MRPL15: variants seen among roughly 807,000 people sequenced by gnomAD.
MRPL15 encodes large ribosomal subunit protein uL15m.
Under a neutral mutation model 28.0 loss-of-function variants are expected in MRPL15, and 24 were observed. The ratio of observed to expected loss-of-function variants is 0.86; its 90% CI spans 0.62 to 1.21. The LOEUF (loss-of-function observed/expected upper bound fraction) is 1.21. Among genes scored for constraint, MRPL15 ranks in the 50% most tolerant of loss-of-function variants. MRPL15 has a pLI of 0.00. For synonymous variants in MRPL15, 124 were observed against 137.0 expected, an observed-to-expected ratio of 0.90 and a Z score of 0.66; for missense variants, 343 against 372.4, an observed-to-expected ratio of 0.92 and a Z score of 0.65.
At chr8:54,142,579 A>G in intron 3 of MRPL15, 84 bp from the exon 4 acceptor site, 2 of 1,512,426 alleles carry the variant, frequency 1.3e-6, no homozygotes, top group Non-Finnish European at 1.8e-6. Context: ...TGGAGGGAAA[A>G]ACACTGTCTA....
At position 54,136,587 on chromosome 8, in the gene MRPL15, G is replaced by C. The variant is rs191944170; in HGVS notation, c.185G>C (p.Arg62Pro). 2.5e-6 allele frequency: 4 copies of C among 1,614,190 alleles called. No individual in the cohort carries two copies. The highest frequency in any genetic ancestry group is 3.4e-6 in the Non-Finnish European group (4 of 1,180,028). Residue 62 changes from arginine (R) to proline (P), a missense_variant, in exon 2 of 5, where the codon CGG becomes CCG. Coordinates refer to ENST00000260102, the MANE Select transcript of MRPL15 (RefSeq NM_014175.4). ...GHKGERQRGT[R>P]PRLGFEGGQT... ...AAAGGAGAAAGGCAAAGAGGAACCCGGCCCCGCTTGGGCTTTGAGGGAGGC... is the reference window on the plus strand; with the variant it reads ...AAAGGAGAAAGGCAAAGAGGAACCCCGCCCCGCTTGGGCTTTGAGGGAGGC...
At chr8:54,140,248 T>C (rs1240785601) in intron 3 of MRPL15, among the ~76,000 whole-genome samples, 1 of 151,920 alleles carries the variant, frequency 6.6e-6, no homozygotes, top group Non-Finnish European at 1.5e-5. Context: ...TACATTTTCC[T>C]TTTTTTTCTG....
chr8:54,136,924 TAGAC>T (rs1471753783), intron 2 of MRPL15, among the ~76,000 whole-genome samples: 1 of 152,192 alleles, frequency 6.6e-6, no homozygotes, highest in Non-Finnish European at 1.5e-5. Flanking sequence ...TGAGCAATAA[TAGAC>T]AGTATACATA....
intron 4 of MRPL15, among the ~76,000 whole-genome samples, chr8:54,146,674 GCATTGCTAA>G (rs1464603885): frequency 1.3e-5 from 2 of 152,180 alleles, no homozygotes; most frequent in Non-Finnish European, 2.9e-5. Flanking sequence ...GGTTAAGGTT[GCATTGCTAA>G]CACGATGAGT....
chr8:54,137,113 A>G (rs1415714868), intron 2 of MRPL15, among the ~76,000 whole-genome samples, 155 bp from the exon 3 acceptor site: 1 of 152,212 alleles, frequency 6.6e-6, no homozygotes, highest in Non-Finnish European at 1.5e-5. Context: ...TCATTACCCA[A>G]AATCAAGCAG....
Position 54,143,649 on chromosome 8 carries a change from G to A in MRPL15, c.553+863G>A, listed in dbSNP as rs545141573. 1.3e-3 allele frequency among the ~76,000 whole-genome samples: 205 copies of A among 152,242 alleles called. 1 individual carries two copies. Among genetic ancestry groups the A allele is most frequent in the South Asian group, 1.2e-3 (6 of 4,824 alleles). On this transcript the variant is annotated intron_variant, in intron 4 of 4. Coordinates refer to ENST00000260102, the MANE Select transcript of MRPL15 (RefSeq NM_014175.4). ...CTGCAGTGGAGTGACGTGGCACAAG[G>A]TTCCTTTTAAAGCATGGACTGTCAC...
In MRPL15 at chr8:54,136,514, A is replaced by G. The variant is rs1233192106; in HGVS notation, c.112A>G (p.Arg38Gly). The change falls in exon 2 of 5, where the codon AGA (arginine) becomes GGA (glycine). Residue 38 changes from arginine to glycine, a missense_variant. By Grantham distance (125) the Arg-to-Gly change is moderately radical. Coordinates refer to ENST00000260102, the MANE Select transcript of MRPL15 (RefSeq NM_014175.4). ...AAATTCTTTTTTTTCCTTGCAGGAG[A>G]GAAGACCAAGAGGTCGGAGAAGAGG... The part of the protein sequence containing the change: ...KPNPGSKKPE[R>G]RPRGRRRGRK... 5.6e-6 allele frequency: 9 copies of G among 1,606,624 alleles called. No individual in the cohort carries two copies. The Admixed American group carries it at 1.6e-4, about 28-fold the overall frequency.
Position 54,147,716 on chromosome 8 carries a change from A to T in MRPL15, c.888A>T (p.Ser296=). ...AAAATCTCCTTAAGTATTATACCTC[A>T]TGAATTCCCGTCCAAGGAAGCAGAG... ...TDENLLKYYT[S] is the part of the protein sequence containing the mutation. The change falls in exon 5 of 5, where the codon TCA becomes TCT. Residue 296 remains serine, a synonymous_variant. Transcript: ENST00000260102. 6.2e-7 allele frequency: 1 copy of T among 1,601,706 alleles called. No individual in the cohort carries two copies. The highest frequency in any genetic ancestry group is 8.5e-7 in the Non-Finnish European group (1 of 1,173,256).
At chr8:54,139,620 A>G (rs1383751345) in intron 3 of MRPL15, among the ~76,000 whole-genome samples, 1 of 152,180 alleles carries the variant, frequency 6.6e-6, no homozygotes, top group East Asian at 1.9e-4. Context: ...AATAAAAATA[A>G]CCCTGAAAAC....
chr8:54,143,253 G>A (rs774110615), intron 4 of MRPL15, among the ~76,000 whole-genome samples: 1 of 152,038 alleles, frequency 6.6e-6, no homozygotes, highest in Non-Finnish European at 1.5e-5. Flanking sequence ...GCCAATTTTT[G>A]TATTTTGGCT....
intron 1 of MRPL15, among the ~76,000 whole-genome samples, 179 bp downstream of exon 1, chr8:54,135,570 C>CTT (rs537299219): frequency 0.032 from 3,759 of 116,444 alleles, 215 homozygotes; most frequent in African/African-American, 0.11. Context: ...GCACCCAGTT[C>CTT]TTTTTTTTTT....
At chr8:54,140,698 T>C (rs1346787120) in intron 3 of MRPL15, among the ~76,000 whole-genome samples, 9 of 150,572 alleles carry the variant, frequency 6.0e-5, no homozygotes, top group Non-Finnish European at 1.2e-4. Flanking sequence ...CTCAGCATCC[T>C]GAGTAGCTGG....
chr8:54,142,907 C>G, intron 4 of MRPL15, 121 bp downstream of exon 4: 1 of 1,327,306 alleles, frequency 7.5e-7, no homozygotes, highest in East Asian at 2.3e-5. Context: ...TGATCTACAT[C>G]TACCATATGG....
chr8:54,140,081 T>C lies in MRPL15; in HGVS notation c.430-2582T>C, dbSNP rs550030271. On this transcript the variant is annotated intron_variant, in intron 3 of 4. Transcript: ENST00000260102. ...AAATTAATAATAGAAGGAGCTAAAC[T>C]GGGAGCCACTTTCTTTCAGCTTCAT... Among the ~76,000 whole-genome samples the C allele has an allele frequency of 3.3e-5, 5 of 152,324 alleles. No homozygotes were observed. In the South Asian group the frequency reaches 1.0e-3, roughly 32 times the overall value.
In MRPL15 at chr8:54,138,659, C is replaced by T. The variant is rs142591158; in HGVS notation, c.429+1226C>T. Among the ~76,000 whole-genome samples, 570 of 152,070 alleles carry T rather than the reference C, an allele frequency of 3.7e-3. 3 individuals are homozygous for T. Among genetic ancestry groups the T allele is most frequent in the African/African-American group, 0.013 (553 of 41,478 alleles). The stretch of plus-strand genomic sequence containing the variant: ...GAGAGTCTTTTTAAAAGAGCACTTG[C>T]CCTGCTTCAGGAGTCACAGTGTTTC... On this transcript the variant is annotated intron_variant, in intron 3 of 4. Coordinates refer to ENST00000260102, the MANE Select transcript of MRPL15 (RefSeq NM_014175.4).
Position 54,142,740 on chromosome 8 carries a change from A to C in MRPL15, c.507A>C (p.Lys169Asn). Residue 169 changes from lysine (K) to asparagine (N), a missense_variant, in exon 4 of 5, where the codon AAA becomes AAC. Physicochemically the swap from Lys to Asn is moderately conservative, Grantham distance 94. Transcript: ENST00000260102. Reference sequence around the variant, plus strand: ...AACTAGCTATTGCTGCCATTGAAAAAAATGGTGGTGTTGTTACTACAGCCT... The same window carrying C: ...AACTAGCTATTGCTGCCATTGAAAACAATGGTGGTGTTGTTACTACAGCCT... Reference protein sequence around the residue: ...ASELAIAAIEKNGGVVTTAFY... With the variant: ...ASELAIAAIENNGGVVTTAFY... 6.2e-7 allele frequency: 1 copy of C among 1,614,194 alleles called. No individual in the cohort carries two copies. Among genetic ancestry groups the C allele is most frequent in the Middle Eastern group, 1.6e-4 (1 of 6,062 alleles).
At chr8:54,139,487 C>T (rs1382129644) in intron 3 of MRPL15, among the ~76,000 whole-genome samples, 1 of 152,122 alleles carries the variant, frequency 6.6e-6, no homozygotes, top group African/African-American at 2.4e-5. Flanking sequence ...CAAGATTAAG[C>T]CTCAGTATTC....
intron 4 of MRPL15, 156 bp downstream of exon 4, chr8:54,142,942 C>T: frequency 8.9e-7 from 1 of 1,125,278 alleles, no homozygotes; most frequent in Non-Finnish European, 1.2e-6. Flanking sequence ...AAGAATACAG[C>T]CTGTTGCTGA....
chr8:54,135,425 G>C, intron 1 of MRPL15, 34 bp downstream of exon 1: 1 of 1,509,202 alleles, frequency 6.6e-7, no homozygotes, highest in Non-Finnish European at 8.9e-7. Flanking sequence ...GGAAGCGCTG[G>C]GGACCCGGGC....
Sources: allele counts gnomAD v4.1 joint callset (sites outside exome capture counted in the v4.1 genomes callset), GRCh38; gene constraint gnomAD v4.1.1; transcripts MANE v1.5; gene names NCBI Gene and HGNC (gene_info 2026-07-23, HGNC 2026-07-21).